Variants in INPP5D observed in about 807,000 individuals in gnomAD.
INPP5D encodes inositol polyphosphate-5-phosphatase D, also known as phosphatidylinositol 3,4,5-trisphosphate 5-phosphatase 1.
In INPP5D, 33 loss-of-function variants were observed where a neutral mutation model predicts 122.9. That is an observed-to-expected ratio of 0.27 (90% CI 0.20 to 0.36). INPP5D has a LOEUF of 0.36. Among genes scored for constraint, INPP5D ranks in the 10% least tolerant of loss-of-function variants. INPP5D has a pLI of 1.00. For synonymous variants in INPP5D, 584 were observed against 576.2 expected (o/e 1.01, Z -0.19); for missense variants, 1,053 against 1,412.7 (o/e 0.75, Z 4.08).
rs1559347618 is a variant in INPP5D at position 233,198,294 on chromosome 2, C to A, written c.2893C>A (p.Pro965Thr). The A allele has an allele frequency of 6.2e-7, 1 of 1,613,646 alleles. No homozygotes were observed. The change falls in exon 25 of 27, where the codon CCC becomes ACC. Residue 965 changes from proline (P) to threonine (T), a missense_variant. By Grantham distance (38) the Pro-to-Thr change is conservative. Transcript: ENST00000445964. The stretch of plus-strand genomic sequence containing the variant: ...CAGGGGAGAAAGTCCTCCGACACCT[C>A]CCGGCCAGCCGCCCATATCACCCAA... ...PCRGESPPTPPGQPPISPKKF... is the reference protein window; with the variant it reads ...PCRGESPPTPTGQPPISPKKF...
chr2:233,204,186 G>C lies in INPP5D; in HGVS notation c.3036G>C (p.Thr1012=), dbSNP rs762199661. Residue 1012 remains threonine, a synonymous_variant, in exon 26 of 27, where the codon ACG becomes ACC. Coordinates refer to ENST00000445964, the MANE Select transcript of INPP5D (RefSeq NM_001017915.3). The stretch of plus-strand genomic sequence containing the variant: ...TGCCTCAGGAGGACCTGCCGCTGAC[G>C]AAGCCCGAGATGTTTGAGAACCCCC... The part of the protein sequence containing the change: ...DTLPQEDLPL[T]KPEMFENPLY... The C allele has an allele frequency of 6.2e-7, 1 of 1,609,312 alleles. No homozygotes were observed. The highest frequency in any genetic ancestry group is 1.3e-5 in the African/African-American group (1 of 74,758).
chr2:233,077,380 G>T (rs374981387), intron 1 of INPP5D, among the ~76,000 whole-genome samples: 57 of 152,226 alleles, frequency 3.7e-4, no homozygotes, highest in Non-Finnish European at 6.6e-4. Flanking sequence ...GTTAAACAGG[G>T]TCAAGTGCAG....
intron 1 of INPP5D, among the ~76,000 whole-genome samples, chr2:233,065,897 G>A (rs756666115): frequency 2.7e-4 from 41 of 149,782 alleles, no homozygotes; most frequent in Non-Finnish European, 5.8e-4. Flanking sequence ...CACCTGCCTC[G>A]GCCTCCCAAA....
intron 14 of INPP5D, chr2:233,169,785 G>T (rs1038167554): frequency 4.0e-5 from 26 of 647,896 alleles, no homozygotes; most frequent in Middle Eastern, 4.3e-4. Flanking sequence ...CTGAGCAGAT[G>T]CTGCTGCTCC....
intron 3 of INPP5D, among the ~76,000 whole-genome samples, chr2:233,122,671 G>A (rs540669080): frequency 2.9e-4 from 44 of 152,248 alleles, no homozygotes; most frequent in Non-Finnish European, 5.6e-4. Flanking sequence ...TTCAGGCATG[G>A]TGGCTCAGGC....
intron 25 of INPP5D, among the ~76,000 whole-genome samples, chr2:233,199,324 T>C (rs1242270612): frequency 7.3e-6 from 1 of 137,512 alleles, no homozygotes; most frequent in Non-Finnish European, 1.6e-5. Context: ...GAGGCAGAGG[T>C]TGCAGTGAGC....
At chr2:233,073,640 C>CAA (rs752382722) in intron 1 of INPP5D, among the ~76,000 whole-genome samples, 4,804 of 44,126 alleles carry the variant, frequency 0.11, 333 homozygotes, top group Non-Finnish European at 0.13. Flanking sequence ...AACTCAATCT[C>CAA]AAAAAAAAAA....
chr2:233,104,912 C>A (rs574866098), intron 2 of INPP5D, among the ~76,000 whole-genome samples: 2 of 152,256 alleles, frequency 1.3e-5, no homozygotes, highest in South Asian at 2.1e-4. Context: ...GAGGGGGAAA[C>A]CAGGTGTGGT....
chr2:233,151,156 C>T (rs966577480), intron 9 of INPP5D, among the ~76,000 whole-genome samples: 1 of 151,966 alleles, frequency 6.6e-6, no homozygotes, highest in Non-Finnish European at 1.5e-5. Flanking sequence ...ATCACTGGCC[C>T]TAAGAAAATC....
intron 2 of INPP5D, among the ~76,000 whole-genome samples, chr2:233,111,335 T>C (rs2106243836): frequency 6.6e-6 from 1 of 152,154 alleles, no homozygotes; most frequent in East Asian, 1.9e-4. Flanking sequence ...TTTATGGAAG[T>C]TATATATAAC....
chr2:233,097,303 C>T (rs1692172267), intron 2 of INPP5D, among the ~76,000 whole-genome samples: 1 of 152,176 alleles, frequency 6.6e-6, no homozygotes, highest in African/African-American at 2.4e-5. Context: ...TCTCATTAGT[C>T]CTTGCTTGCC....
At position 233,164,967 on chromosome 2, in the gene INPP5D, C is replaced by T. The variant is rs1694290823; in HGVS notation, c.1555+543C>T. ...GAGGTGGCTGGCCCCTGCCCTCGGT[C>T]CCTGTGCACCAGGTTGGATCTGGAA... On this transcript the variant is annotated intron_variant, in intron 13 of 26. Coordinates refer to ENST00000445964, the MANE Select transcript of INPP5D (RefSeq NM_001017915.3). The surrounding 1 kb of genome is among the most constrained non-coding windows in gnomAD (Gnocchi z 4.3). 6.6e-6 allele frequency among the ~76,000 whole-genome samples: 1 copy of T among 152,188 alleles called. No homozygotes were observed. Among genetic ancestry groups the T allele is most frequent in the Non-Finnish European group, 1.5e-5 (1 of 68,036 alleles).
intron 5 of INPP5D, among the ~76,000 whole-genome samples, chr2:233,137,854 ATATATATATATATATATATATAT>A (rs1233792253): frequency 1.1e-4 from 1 of 8,888 alleles, no homozygotes; most frequent in Non-Finnish European, 2.4e-4. Context: ...AAAAAAAAAA[ATATATATATATATATATATATAT>A]ATATATATAT....
chr2:233,076,543 A>T (rs1691524660), intron 1 of INPP5D: 1 of 152,262 alleles, frequency 6.6e-6, no homozygotes, highest in Non-Finnish European at 1.5e-5. Flanking sequence ...TTAAGTACCC[A>T]TGATGCAAAA....
intron 2 of INPP5D, among the ~76,000 whole-genome samples, chr2:233,094,540 A>T (rs1313906882): frequency 6.8e-6 from 1 of 146,754 alleles, no homozygotes; most frequent in Non-Finnish European, 1.5e-5. Flanking sequence ...AAAAAAAAAA[A>T]AATTCTAAAA....
Position 233,135,636 on chromosome 2 carries a change from A to G in INPP5D, c.666-4206A>G, listed in dbSNP as rs191505870. ...AATATTTTAATATTTTATATTTAAT[A>G]TATTTAATATTTAAAAATTCAAACT... On this transcript the variant is annotated intron_variant, in intron 5 of 26. Coordinates refer to ENST00000445964, the MANE Select transcript of INPP5D (RefSeq NM_001017915.3). Among the ~76,000 whole-genome samples the G allele has an allele frequency of 2.0e-5, 3 of 149,638 alleles. No homozygotes were observed. The South Asian group carries it at 6.2e-4, about 31-fold the overall frequency.
chr2:233,110,672 A>G (rs1348044975), intron 2 of INPP5D, among the ~76,000 whole-genome samples: 1 of 152,222 alleles, frequency 6.6e-6, no homozygotes, highest in Non-Finnish European at 1.5e-5. Flanking sequence ...CTGTAATCCC[A>G]TCACTTTGGG....
At chr2:233,138,839 G>A (rs1055388801) in intron 5 of INPP5D, among the ~76,000 whole-genome samples, 4 of 151,754 alleles carry the variant, frequency 2.6e-5, no homozygotes, top group Admixed American at 6.6e-5. Flanking sequence ...TCTGTCTCCC[G>A]GGTTCACACC....
rs755673684 is a variant in INPP5D at position 233,174,661 on chromosome 2, G to A, written c.1990-2604G>A. On this transcript the variant is annotated intron_variant, in intron 17 of 26. Transcript: ENST00000445964. ...ACAAAAATTAGCCAGGTGTGGTGGC[G>A]CACTCCTGTGATCCCAGCTACTCAG... 1.3e-4 allele frequency among the ~76,000 whole-genome samples: 20 copies of A among 151,986 alleles called. 1 individual carries two copies. The highest frequency in any genetic ancestry group is 3.4e-4 in the African/African-American group (14 of 41,438).
Sources: allele counts gnomAD v4.1 joint callset (sites outside exome capture counted in the v4.1 genomes callset), GRCh38; gene constraint gnomAD v4.1.1; non-coding constraint Gnocchi (gnomAD v3.1); transcripts MANE v1.5; gene names NCBI Gene and HGNC (gene_info 2026-07-23, HGNC 2026-07-21).